The following NPFFR1 variants were observed in gnomAD, a reference collection of about 807,000 sequenced individuals.
NPFFR1 encodes G-protein coupled receptor 147.
A neutral mutation model predicts 12.7 loss-of-function variants in NPFFR1; 17 were observed. The ratio of observed to expected loss-of-function variants is 1.34; its 90% CI spans 0.92 to 2.01. The LOEUF (loss-of-function observed/expected upper bound fraction) is 2.01. Among genes scored for constraint, NPFFR1 ranks in the 30% most tolerant of loss-of-function variants. The probability of loss-of-function intolerance (pLI) is 0.00; values close to 1 mark genes in which losing one functional copy is unlikely to be tolerated. For synonymous variants in NPFFR1, 296 were observed against 264.5 expected, an observed-to-expected ratio of 1.12 and a Z score of -1.16; for missense variants, 604 against 606.5, an observed-to-expected ratio of 1.00 and a Z score of 0.04.
In NPFFR1 at chr10:70,247,772, C is replaced by T. The variant is rs1840464465; in HGVS notation, c.*7185G>A. 1 of 152,214 alleles carries T rather than the reference C, an allele frequency of 6.6e-6. No individual in the cohort carries two copies. Among genetic ancestry groups the T allele is most frequent in the Admixed American group, 6.5e-5 (1 of 15,278 alleles). The allele number at this position is 152,214 out of a possible 1,614,324, so 9.4% of individuals were successfully genotyped here. Reference sequence around the variant, plus strand: ...TTTATTGGTGACAGGATTCAAAGACCTGGGCATTGCAGCTAGCAGGAGAAC... The same window carrying T: ...TTTATTGGTGACAGGATTCAAAGACTTGGGCATTGCAGCTAGCAGGAGAAC... On this transcript the variant is annotated 3_prime_UTR_variant, in exon 4 of 4. Transcript: ENST00000277942.
intron 2 of NPFFR1, among the ~76,000 whole-genome samples, chr10:70,261,327 G>A (rs1487416370): frequency 6.6e-6 from 1 of 152,112 alleles, no homozygotes; most frequent in Non-Finnish European, 1.5e-5. Flanking sequence ...CACCATGATT[G>A]TAAGTTTCCT....
chr10:70,249,354 A>G lies in NPFFR1; in HGVS notation c.*5603T>C, dbSNP rs10823501. 45,663 of 150,556 alleles carry G rather than the reference A, an allele frequency of 0.3. 7,314 individuals carry two copies. The highest frequency in any genetic ancestry group is 0.34 in the South Asian group (1,640 of 4,770). The allele number at this position is 150,556 out of a possible 1,614,324, so 9.3% of individuals were successfully genotyped here. ...GCAAAGGTTGCAGTGAGCCAAAATC[A>G]CGTCATTGCACTCCAGCCTGGGCAA... On this transcript the variant is annotated 3_prime_UTR_variant, in exon 4 of 4. Transcript: ENST00000277942.
chr10:70,255,904 G>A lies in NPFFR1; in HGVS notation c.423-77C>T. ...CGAGGGGACGGTGGGTGGGATGCGG[G>A]CACCTGACCTTCATCATCGCATCTA... is the stretch of plus-strand genomic sequence containing the variant. On this transcript the variant is annotated intron_variant, in intron 3 of 3. Coordinates refer to ENST00000277942, the MANE Select transcript of NPFFR1 (RefSeq NM_022146.5). The surrounding 1 kb of genome is among the most constrained non-coding windows in gnomAD (Gnocchi z 4.2). The A allele has an allele frequency of 6.9e-7, 1 of 1,451,538 alleles. No individual in the cohort carries two copies. Among genetic ancestry groups the A allele is most frequent in the Non-Finnish European group, 9.3e-7 (1 of 1,075,616 alleles). 89.9% of individuals were successfully genotyped at this position (1,451,538 alleles called of 1,614,324 possible).
At chr10:70,275,502 G>T (rs1840794866) in intron 1 of NPFFR1, among the ~76,000 whole-genome samples, 1 of 152,120 alleles carries the variant, frequency 6.6e-6, no homozygotes, top group Non-Finnish European at 1.5e-5. Flanking sequence ...GGGTTCAATG[G>T]CTGGCTGCTT....
rs749521691 is a variant in NPFFR1 at position 70,260,669 on chromosome 10, A to C, written c.393T>G (p.Val131=). ...CCACAGCAATGGCCACCAGTGTGAA[A>C]ACGGAAGCCGACACAGACATGCCCT... ...LVQGMSVSAS[V]FTLVAIAVER... is the part of the protein sequence containing the mutation. Residue 131 remains valine (V), a synonymous_variant, in exon 3 of 4, where the codon GTT becomes GTG. Transcript: ENST00000277942. 2.1e-5 allele frequency: 34 copies of C among 1,611,244 alleles called. No homozygotes were observed. Among genetic ancestry groups the C allele is most frequent in the Non-Finnish European group, 2.8e-5 (33 of 1,178,850 alleles).
chr10:70,266,390 C>T lies in NPFFR1; in HGVS notation c.9G>A (p.Gly3=). The change falls in exon 2 of 4, where the codon GGG becomes GGA. Residue 3 remains glycine (G), a splice_region_variant and synonymous_variant. Coordinates refer to ENST00000277942, the MANE Select transcript of NPFFR1 (RefSeq NM_022146.5). ...TGCTGTTGGGAGGCTGGGAGGGCTC[C>T]CCTAGGACCAAAGGAATATATTGGT... The part of the protein sequence containing the change: ME[G]EPSQPPNSSW... 1 of 1,609,994 alleles carries T rather than the reference C, an allele frequency of 6.2e-7. No homozygotes were observed. The highest frequency in any genetic ancestry group is 1.3e-5 in the African/African-American group (1 of 74,928).
chr10:70,273,787 G>A (rs1008450732), intron 1 of NPFFR1, among the ~76,000 whole-genome samples: 16 of 152,104 alleles, frequency 1.1e-4, no homozygotes, highest in South Asian at 2.1e-4. Flanking sequence ...TGGATTCCCA[G>A]TGTTGGTTAG....
At chr10:70,283,611 C>G in intron 1 of NPFFR1, 59 bp downstream of exon 1, 2 of 1,489,450 alleles carry the variant, frequency 1.3e-6, no homozygotes, top group Non-Finnish European at 1.8e-6. Context: ...TCCCTTCGCC[C>G]CATGCCCCGG....
intron 1 of NPFFR1, among the ~76,000 whole-genome samples, chr10:70,270,693 G>T (rs1840737093): frequency 6.6e-6 from 1 of 152,190 alleles, no homozygotes; most frequent in Admixed American, 6.5e-5. Context: ...TGGACTGGAG[G>T]CAGGCAGGCC....
chr10:70,282,495 A>T lies in NPFFR1; in HGVS notation c.7+1175T>A, dbSNP rs534742794. Among the ~76,000 whole-genome samples, 9 of 152,306 alleles carry T rather than the reference A, an allele frequency of 5.9e-5. No homozygotes were observed. In the South Asian group the frequency reaches 1.9e-3, roughly 32 times the overall value. On this transcript the variant is annotated intron_variant, in intron 1 of 3. Transcript: ENST00000277942. ...GTGTGTGCTTTTCATACCCTGGCTCATTGGAAAACTACAAGTGCAGCCTCA... is the reference window on the plus strand; with the variant it reads ...GTGTGTGCTTTTCATACCCTGGCTCTTTGGAAAACTACAAGTGCAGCCTCA...
Position 70,283,454 on chromosome 10 carries a change from T to C in NPFFR1, c.7+216A>G, listed in dbSNP as rs1840883019. The stretch of plus-strand genomic sequence containing the variant: ...TGTCTGTCTGTTTTTCTGTCTCACA[T>C]ACACACGCACACACACACACACCAT... On this transcript the variant is annotated intron_variant, in intron 1 of 3. Coordinates refer to ENST00000277942, the MANE Select transcript of NPFFR1 (RefSeq NM_022146.5). Among the ~76,000 whole-genome samples the C allele has an allele frequency of 2.0e-5, 3 of 151,140 alleles. No individual in the cohort carries two copies. In the South Asian group the frequency reaches 6.3e-4, roughly 32 times the overall value.
At chr10:70,264,995 T>G (rs922977562) in intron 2 of NPFFR1, among the ~76,000 whole-genome samples, 5 of 152,236 alleles carry the variant, frequency 3.3e-5, no homozygotes, top group African/African-American at 9.6e-5. Context: ...TGTGCCTGAG[T>G]ACACGTGTGT....
chr10:70,277,872 G>A (rs1313014502), intron 1 of NPFFR1: 19 of 496,230 alleles, frequency 3.8e-5, no homozygotes, highest in South Asian at 2.3e-4. Context: ...GTTACTGCCC[G>A]GCTAACCATA....
At chr10:70,262,832 C>T (rs756902884) in intron 2 of NPFFR1, among the ~76,000 whole-genome samples, 27 of 152,124 alleles carry the variant, frequency 1.8e-4, no homozygotes, top group Admixed American at 5.9e-4. Flanking sequence ...AGAAATGACA[C>T]CCCAATACCC....
At chr10:70,276,252 A>G (rs1169348185) in intron 1 of NPFFR1, among the ~76,000 whole-genome samples, 1 of 152,196 alleles carries the variant, frequency 6.6e-6, no homozygotes, top group Non-Finnish European at 1.5e-5. Context: ...TGCTCAACTG[A>G]GAAATAATAG....
Position 70,255,627 on chromosome 10 carries a change from G to A in NPFFR1, c.623C>T (p.Pro208Leu). The A allele has an allele frequency of 6.3e-7, 1 of 1,579,436 alleles. No homozygotes were observed. Among genetic ancestry groups the A allele is most frequent in the South Asian group, 1.2e-5 (1 of 86,132 alleles). ...YPLYSCWEAW[P>L]EKGMRRVYTT... is the part of the protein sequence containing the mutation. ...GTAGACCCTGCGCATGCCCTTCTCG[G>A]GCCAGGCCTCCCAGCAGGAGTAGAG... The change falls in exon 4 of 4, where the codon CCC (proline) becomes CTC (leucine). Residue 208 changes from proline (P) to leucine (L), a missense_variant. Physicochemically the swap from Pro to Leu is moderately conservative, Grantham distance 98 (BLOSUM62 -3). Transcript: ENST00000277942. This position sits in a 1 kb window ranked among gnomAD's most constrained non-coding sequence, Gnocchi z 4.2.
chr10:70,255,520 A>G lies in NPFFR1; in HGVS notation c.730T>C (p.Cys244Arg), dbSNP rs1298427251. ...VMYARIARKLCQAPGPAPGGE... is the reference protein window; with the variant it reads ...VMYARIARKLRQAPGPAPGGE... ...CCGGGGGCCGGGCCCGGGGCCTGGCAGAGCTTGCGCGCGATGCGGGCGTAC... is the reference window on the plus strand; with the variant it reads ...CCGGGGGCCGGGCCCGGGGCCTGGCGGAGCTTGCGCGCGATGCGGGCGTAC... The change falls in exon 4 of 4, where the codon TGC becomes CGC. Residue 244 changes from cysteine to arginine, a missense_variant. By Grantham distance (180) the Cys-to-Arg change is radical (BLOSUM62 -3). Transcript: ENST00000277942. The surrounding 1 kb of genome is among the most constrained non-coding windows in gnomAD (Gnocchi z 4.2). The G allele has an allele frequency of 6.5e-7, 1 of 1,548,626 alleles. No individual in the cohort carries two copies. The highest frequency in any genetic ancestry group is 2.0e-5 in the Admixed American group (1 of 50,892).
At chr10:70,277,777 G>A (rs979181405) in intron 1 of NPFFR1, among the ~76,000 whole-genome samples, 18 of 152,208 alleles carry the variant, frequency 1.2e-4, no homozygotes. Flanking sequence ...TTAGGCTGGG[G>A]AGCAGATCTG....
rs77268516 is a variant in NPFFR1, at chr10:70,247,379, C to G, written c.*7578G>C. On this transcript the variant is annotated 3_prime_UTR_variant, in exon 4 of 4. Transcript: ENST00000277942. ...TAATTTATAGCATAGGTAACAGAAT[C>G]ATTTTGCAAAGACACGGACTAGAGA... 6.6e-6 allele frequency: 1 copy of G among 152,156 alleles called. No homozygotes were observed. Among genetic ancestry groups the G allele is most frequent in the African/African-American group, 2.4e-5 (1 of 41,416 alleles). 9.4% of individuals were successfully genotyped at this position (152,156 alleles called of 1,614,324 possible).
Sources: allele counts gnomAD v4.1 joint callset (sites outside exome capture counted in the v4.1 genomes callset), GRCh38; gene constraint gnomAD v4.1.1; non-coding constraint Gnocchi (gnomAD v3.1); transcripts MANE v1.5; gene names NCBI Gene and HGNC (gene_info 2026-07-23, HGNC 2026-07-21).